Variants in SLC44A5 observed in about 807,000 individuals in gnomAD.
SLC44A5 encodes choline transporter-like protein 5.
Under a neutral mutation model 101.8 loss-of-function variants are expected in SLC44A5, and 57 were observed. The ratio of observed to expected loss-of-function variants is 0.56; its 90% CI spans 0.45 to 0.70. The LOEUF (loss-of-function observed/expected upper bound fraction) is 0.70, where lower values mean the gene tolerates loss of function less well. Ranked by LOEUF, SLC44A5 falls within the 30% of genes least tolerant of loss-of-function variation. The pLI, the probability that SLC44A5 is intolerant of heterozygous loss-of-function variation, is 0.00. For missense variants in SLC44A5, 737 were observed against 853.1 expected (o/e 0.86, Z 1.70); for synonymous variants, 281 against 290.9 (o/e 0.97, Z 0.35).
chr1:75,677,164 C>T, the SLC44A5 span, among the ~76,000 whole-genome samples: 2 of 151,902 alleles, frequency 1.3e-5, no homozygotes, highest in African/African-American at 4.8e-5. Context: ...TCTAAACATA[C>T]AAAACTCACT....
At chr1:75,371,361 C>G (rs758843240) in intron 3 of SLC44A5, among the ~76,000 whole-genome samples, 1 of 152,164 alleles carries the variant, frequency 6.6e-6, no homozygotes, top group African/African-American at 2.4e-5. Flanking sequence ...ATAGAACCAT[C>G]CTCAAAGGGG....
intron 1 of SLC44A5, among the ~76,000 whole-genome samples, chr1:75,561,821 A>G (rs953847477): frequency 2.6e-5 from 4 of 152,158 alleles, no homozygotes. Flanking sequence ...ATTGTAATTT[A>G]CCATAGAGTG....
the SLC44A5 span, among the ~76,000 whole-genome samples, chr1:75,617,439 G>A: frequency 6.6e-6 from 1 of 152,136 alleles, no homozygotes; most frequent in African/African-American, 2.4e-5. Flanking sequence ...ATTTGGACAA[G>A]TCACTCAATC....
intron 1 of SLC44A5, among the ~76,000 whole-genome samples, chr1:75,547,528 CA>C (rs1465797729): frequency 6.6e-6 from 1 of 152,102 alleles, no homozygotes; most frequent in Non-Finnish European, 1.5e-5. Flanking sequence ...GTGGTCCAGT[CA>C]AAGCAAAAGT....
the SLC44A5 span, among the ~76,000 whole-genome samples, chr1:75,640,544 T>C: frequency 6.6e-6 from 1 of 152,106 alleles, no homozygotes; most frequent in Admixed American, 6.6e-5. Context: ...AGTCTGTTTA[T>C]AATGGTAGTT....
the SLC44A5 span, among the ~76,000 whole-genome samples, chr1:75,687,493 G>A: frequency 1.3e-5 from 2 of 151,738 alleles, no homozygotes; most frequent in South Asian, 2.1e-4. Flanking sequence ...TAGTAGAGAC[G>A]GGGTTTCACC....
At chr1:75,630,122 G>T in the SLC44A5 span, among the ~76,000 whole-genome samples, 3 of 152,160 alleles carry the variant, frequency 2.0e-5, no homozygotes, top group African/African-American at 7.2e-5. Context: ...ATGCAGCACA[G>T]CTTTTGTGAC....
chr1:75,541,290 C>A, intron 2 of SLC44A5, 145 bp downstream of exon 2: 1 of 634,784 alleles, frequency 1.6e-6, no homozygotes, highest in South Asian at 2.1e-5. Flanking sequence ...CAAGGTCTAA[C>A]ATGCTGTAGT....
intron 2 of SLC44A5, among the ~76,000 whole-genome samples, chr1:75,470,445 T>C (rs929126866): frequency 3.9e-5 from 6 of 152,200 alleles, no homozygotes; most frequent in Non-Finnish European, 7.3e-5. Flanking sequence ...TGAGCTCTTC[T>C]GTAACATAAC....
intron 2 of SLC44A5, among the ~76,000 whole-genome samples, chr1:75,470,609 C>A (rs1302374843): frequency 6.6e-6 from 1 of 152,064 alleles, no homozygotes; most frequent in African/African-American, 2.4e-5. Flanking sequence ...ATGTTACTGG[C>A]GTCAGCTTCC....
Position 75,258,167 on chromosome 1 carries a change from C to T in SLC44A5, c.261-6873G>A, listed in dbSNP as rs544932738. Among the ~76,000 whole-genome samples, 74 of 152,114 alleles carry T rather than the reference C, an allele frequency of 4.9e-4. 2 individuals are homozygous for T. The highest frequency in any genetic ancestry group is 1.8e-3 in the African/African-American group (73 of 41,458). On this transcript the variant is annotated intron_variant, in intron 6 of 23. Coordinates refer to ENST00000370859, the MANE Select transcript of SLC44A5 (RefSeq NM_001130058.2). ...ACAGTTTTTTTTCATACCCCAGTGG[C>T]GCCTGGAATGCCAGTGAGACAGAAC...
the SLC44A5 span, among the ~76,000 whole-genome samples, chr1:75,708,818 C>A: frequency 1.3e-5 from 2 of 152,036 alleles, no homozygotes; most frequent in African/African-American, 2.4e-5. Flanking sequence ...ATTATACAAG[C>A]TATATATCAA....
chr1:75,256,701 A>T (rs1650050510), intron 6 of SLC44A5, among the ~76,000 whole-genome samples: 1 of 152,168 alleles, frequency 6.6e-6, no homozygotes, highest in Non-Finnish European at 1.5e-5. Flanking sequence ...GTAAAAGGTG[A>T]AAGGGAACGA....
At chr1:75,390,410 CAA>C (rs34118379) in intron 3 of SLC44A5, among the ~76,000 whole-genome samples, 5 of 88,244 alleles carry the variant, frequency 5.7e-5, no homozygotes. Context: ...AAATCCTTAA[CAA>C]AAAAAAAAAA....
chr1:75,491,182 A>G (rs2101810338), intron 2 of SLC44A5, among the ~76,000 whole-genome samples: 1 of 152,252 alleles, frequency 6.6e-6, no homozygotes, highest in South Asian at 2.1e-4. Flanking sequence ...GCTTCTGGGT[A>G]TAGTTTCTCT....
chr1:75,446,206 A>AT (rs1553181595), intron 2 of SLC44A5, among the ~76,000 whole-genome samples: 1 of 151,978 alleles, frequency 6.6e-6, no homozygotes, highest in African/African-American at 2.4e-5. Flanking sequence ...AAAACTTTCC[A>AT]TTTTTTTATA....
At chr1:75,496,563 T>G (rs1668682410) in intron 2 of SLC44A5, among the ~76,000 whole-genome samples, 1 of 151,624 alleles carries the variant, frequency 6.6e-6, no homozygotes, top group African/African-American at 2.4e-5. Context: ...TGAAGATTTT[T>G]TTTTGCATAT....
At chr1:75,529,819 A>G (rs750936344) in intron 2 of SLC44A5, among the ~76,000 whole-genome samples, 12 of 152,172 alleles carry the variant, frequency 7.9e-5, no homozygotes, top group Non-Finnish European at 1.6e-4. Context: ...ACTTAATTCA[A>G]AATATTCTGC....
At chr1:75,643,271 A>G in the SLC44A5 span, among the ~76,000 whole-genome samples, 1 of 152,114 alleles carries the variant, frequency 6.6e-6, no homozygotes, top group Non-Finnish European at 1.5e-5. Flanking sequence ...GTTTCTCTTT[A>G]ATGTCAACCT....
Sources: allele counts gnomAD v4.1 joint callset (sites outside exome capture counted in the v4.1 genomes callset), GRCh38; gene constraint gnomAD v4.1.1; transcripts MANE v1.5; gene names NCBI Gene and HGNC (gene_info 2026-07-23, HGNC 2026-07-21).